ACSM3: variants seen among roughly 807,000 people sequenced by gnomAD.
ACSM3 encodes the protein acyl-coenzyme A synthetase ACSM3, mitochondrial.
In ACSM3, 61 loss-of-function variants were observed where a neutral mutation model predicts 74.1. That is an observed-to-expected ratio of 0.82 (90% CI 0.67 to 1.02). The LOEUF (loss-of-function observed/expected upper bound fraction) is 1.02, where lower values mean the gene tolerates loss of function less well. Among genes scored for constraint, ACSM3 ranks in the 50% least tolerant of loss-of-function variants. ACSM3 has a pLI of 0.00. For synonymous variants in ACSM3, 213 were observed against 241.5 expected (o/e 0.88, Z 1.09); for missense variants, 660 against 697.0 (o/e 0.95, Z 0.60).
At chr16:20,725,723 G>A (rs556367654) in intron 1 of ACSM3, among the ~76,000 whole-genome samples, 3 of 152,166 alleles carry the variant, frequency 2.0e-5, no homozygotes, top group South Asian at 4.1e-4. Flanking sequence ...CTGTAATCCC[G>A]ACACTTTGGA....
upstream of ACSM3, among the ~76,000 whole-genome samples, chr16:20,761,982 A>G (rs1271294642): frequency 6.6e-6 from 1 of 152,230 alleles, no homozygotes; most frequent in Non-Finnish European, 1.5e-5. Context: ...CAAGGAAAAA[A>G]TCAAAGGAGA....
At chr16:20,729,465 G>A in intron 1 of ACSM3, 1 of 697,058 alleles carries the variant, frequency 1.4e-6, no homozygotes, top group East Asian at 2.6e-5. Flanking sequence ...TACCGTATTG[G>A]GCCATTTGAA....
rs779399195 is a variant in ACSM3 at position 20,780,749 on chromosome 16, A to C, written c.674A>C (p.Lys225Thr). Residue 225 changes from lysine (K) to threonine (T), a missense_variant, in exon 5 of 14, where the codon AAA (lysine) becomes ACA (threonine). By Grantham distance (78) the Lys-to-Thr change is moderately conservative (BLOSUM62 -1). Transcript: ENST00000289416. ...ASDSHTCVKT[K>T]HNEIMAIFFT... ...GACAGCCACACCTGTGTGAAGACAA[A>C]ACACAATGAGATCATGGCCATATTC... is the stretch of plus-strand genomic sequence containing the variant. The C allele has an allele frequency of 6.2e-7, 1 of 1,614,200 alleles. No individual in the cohort carries two copies. The highest frequency in any genetic ancestry group is 1.1e-5 in the South Asian group (1 of 91,088).
At chr16:20,725,722 C>T (rs1207442757) in intron 1 of ACSM3, among the ~76,000 whole-genome samples, 3 of 152,136 alleles carry the variant, frequency 2.0e-5, no homozygotes, top group South Asian at 2.1e-4. Flanking sequence ...CCTGTAATCC[C>T]GACACTTTGG....
chr16:20,738,603 C>T, intron 1 of ACSM3: 2 of 347,956 alleles, frequency 5.7e-6, no homozygotes, highest in Middle Eastern at 1.7e-3. Flanking sequence ...AGAGCAACAA[C>T]TGGCTGGAGC....
intron 12 of ACSM3, among the ~76,000 whole-genome samples, chr16:20,795,241 G>A (rs1234859125): frequency 1.3e-5 from 2 of 151,986 alleles, no homozygotes; most frequent in Admixed American, 6.6e-5. Context: ...GTCTGCTCTC[G>A]AACTCCTGGG....
chr16:20,720,973 T>G (rs1286892200), intron 1 of ACSM3: 1 of 152,182 alleles, frequency 6.6e-6, no homozygotes, highest in African/African-American at 2.4e-5. Context: ...TTAATACAAA[T>G]TACCAATAAG....
chr16:20,737,378 C>T (rs2152417359), intron 1 of ACSM3: 1 of 1,303,636 alleles, frequency 7.7e-7, no homozygotes, highest in Non-Finnish European at 1.0e-6. Context: ...CTTGTTAAAA[C>T]AAGACATACA....
At chr16:20,788,773 G>GT (rs1042057126) in intron 9 of ACSM3, among the ~76,000 whole-genome samples, 1 of 152,158 alleles carries the variant, frequency 6.6e-6, no homozygotes, top group Admixed American at 6.6e-5. Flanking sequence ...ATTAAAATCT[G>GT]TAAGTAACTG....
chr16:20,736,362 T>C (rs1724863176), intron 1 of ACSM3: 1 of 139,610 alleles, frequency 7.2e-6, no homozygotes, highest in African/African-American at 2.7e-5. Context: ...CTGTCAGCTA[T>C]ATTACACACA....
chr16:20,780,881 T>A (rs998676429), intron 5 of ACSM3, 24 bp downstream of exon 5: 6 of 1,613,850 alleles, frequency 3.7e-6, no homozygotes, highest in Non-Finnish European at 5.1e-6. Context: ...AAAGTGCAGC[T>A]TGAAGTGTCA....
chr16:20,678,090 C>G (rs1240550264), intron 1 of ACSM3, among the ~76,000 whole-genome samples: 5 of 152,026 alleles, frequency 3.3e-5, no homozygotes, highest in Admixed American at 6.5e-5. Flanking sequence ...AAAGAAGAAG[C>G]CTTAGCTATG....
At chr16:20,758,663 T>G (rs555856778) in intron 3 of ACSM3, among the ~76,000 whole-genome samples, 2 of 152,204 alleles carry the variant, frequency 1.3e-5, no homozygotes, top group Non-Finnish European at 2.9e-5. Flanking sequence ...ATTTCTTGCC[T>G]TCTGCTAGCT....
rs551862219 is a variant in ACSM3 at position 20,689,676 on chromosome 16, T to C, written c.-190+14854T>C. The stretch of plus-strand genomic sequence containing the variant: ...ATTTTGAAAAACAAAATTGCATTTA[T>C]ATTACTCAAATTTATATAGTAATGT... On this transcript the variant is annotated intron_variant, in intron 1 of 3. Transcript: ENST00000561584. 9.8e-5 allele frequency among the ~76,000 whole-genome samples: 15 copies of C among 152,372 alleles called. 1 individual carries two copies. The highest frequency in any genetic ancestry group is 3.4e-4 in the African/African-American group (14 of 41,600).
chr16:20,785,944 T>G, intron 8 of ACSM3, 134 bp from the exon 9 acceptor site: 9 of 539,848 alleles, frequency 1.7e-5, no homozygotes, highest in Non-Finnish European at 2.9e-5. Context: ...CTACATTCCA[T>G]GAGAGTATAG....
At chr16:20,779,042 C>T (rs576359979) in intron 4 of ACSM3, among the ~76,000 whole-genome samples, 3 of 152,246 alleles carry the variant, frequency 2.0e-5, no homozygotes, top group East Asian at 1.9e-4. Context: ...TGAGCCACTG[C>T]GCCCGGCCTA....
At position 20,776,198 on chromosome 16, in the gene ACSM3, G is replaced by T. The variant is rs371641001; in HGVS notation, c.430+149G>T. The T allele has an allele frequency of 9.8e-6, 8 of 814,826 alleles. No individual in the cohort carries two copies. In the East Asian group the frequency reaches 2.1e-4, roughly 22 times the overall value. 50.5% of individuals were successfully genotyped at this position (814,826 alleles called of 1,614,324 possible). On this transcript the variant is annotated intron_variant, in intron 3 of 13. Transcript: ENST00000289416. ...TTATATAAAAGTTAGGCCGTGGTAG[G>T]CTAATTCCTTATCCCTAGGTGGAAC...
At chr16:20,707,645 A>T (rs2079731752) in intron 1 of ACSM3, among the ~76,000 whole-genome samples, 1 of 152,200 alleles carries the variant, frequency 6.6e-6, no homozygotes, top group South Asian at 2.1e-4. Context: ...AGCAGCAGTC[A>T]TGTTACCTGG....
chr16:20,776,856 T>C (rs1020706997), intron 3 of ACSM3, among the ~76,000 whole-genome samples: 1 of 152,178 alleles, frequency 6.6e-6, no homozygotes, highest in Admixed American at 6.5e-5. Context: ...CACTTCCTTT[T>C]GGAAATAAAT....
Sources: allele counts gnomAD v4.1 joint callset (sites outside exome capture counted in the v4.1 genomes callset), GRCh38; gene constraint gnomAD v4.1.1; transcripts MANE v1.5; gene names NCBI Gene and HGNC (gene_info 2026-07-23, HGNC 2026-07-21).